Variants in PRKCA observed in about 807,000 individuals in gnomAD.
PRKCA encodes protein kinase C alpha, also known as protein kinase C alpha type.
Under a neutral mutation model 87.0 loss-of-function variants are expected in PRKCA, and 27 were observed. That is an observed-to-expected ratio of 0.31 (90% CI 0.23 to 0.43). PRKCA has a LOEUF of 0.43. Ranked by LOEUF, PRKCA falls within the 20% of genes least tolerant of loss-of-function variation. PRKCA has a pLI of 1.00. For synonymous variants in PRKCA, 329 were observed against 311.1 expected (o/e 1.06, Z -0.61); for missense variants, 518 against 852.3 (o/e 0.61, Z 4.88).
chr17:66,769,448 G>C (rs1018703528), intron 13 of PRKCA, among the ~76,000 whole-genome samples: 3 of 151,924 alleles, frequency 2.0e-5, no homozygotes, highest in African/African-American at 7.2e-5. Flanking sequence ...TGAACTGTTA[G>C]AGAAGTACTT....
intron 3 of PRKCA, among the ~76,000 whole-genome samples, chr17:66,613,043 G>T (rs1354798603): frequency 6.6e-6 from 1 of 152,172 alleles, no homozygotes; most frequent in Admixed American, 6.5e-5. Flanking sequence ...TTGCAATTGT[G>T]TACAGGGATT....
intron 3 of PRKCA, 72 bp downstream of exon 3, chr17:66,496,355 A>G: frequency 1.5e-6 from 2 of 1,332,790 alleles, no homozygotes; most frequent in Non-Finnish European, 2.1e-6. Context: ...ACGCCTGTGC[A>G]ACTGTTAGTT....
At chr17:66,608,252 AATCATCAC>A (rs1970265338) in intron 3 of PRKCA, among the ~76,000 whole-genome samples, 1 of 152,122 alleles carries the variant, frequency 6.6e-6, no homozygotes, top group South Asian at 2.1e-4. Flanking sequence ...CCACTTACCT[AATCATCAC>A]TTTGTTGGTG....
intron 3 of PRKCA, among the ~76,000 whole-genome samples, chr17:66,540,799 G>T (rs1192053964): frequency 6.6e-6 from 1 of 152,176 alleles, no homozygotes; most frequent in Admixed American, 6.5e-5. Context: ...TACAACAGAG[G>T]CAGTCGAGGG....
At chr17:66,641,525 G>A in intron 4 of PRKCA, 59 bp downstream of exon 4, 2 of 1,284,064 alleles carry the variant, frequency 1.6e-6, no homozygotes, top group Non-Finnish European at 2.2e-6. Context: ...CTCAGGGTTT[G>A]CTGAGCAAGG....
intron 1 of PRKCA, among the ~76,000 whole-genome samples, chr17:66,303,463 G>C (rs1478548665): frequency 2.0e-5 from 3 of 150,766 alleles, no homozygotes; most frequent in Non-Finnish European, 1.5e-5. Context: ...CACTGCGCGC[G>C]GTCCAAGTTG....
chr17:66,486,759 A>G (rs1481448561), intron 2 of PRKCA, among the ~76,000 whole-genome samples: 2 of 152,078 alleles, frequency 1.3e-5, no homozygotes, highest in Non-Finnish European at 2.9e-5. Context: ...GTGGCCTAAC[A>G]GTATATTATA....
intron 2 of PRKCA, among the ~76,000 whole-genome samples, chr17:66,489,730 T>C (rs1452132125): frequency 2.0e-5 from 3 of 151,976 alleles, no homozygotes; most frequent in Non-Finnish European, 4.4e-5. Context: ...CTTTCTTTTC[T>C]TTCTTTCTTT....
At chr17:66,305,077 C>T (rs543062052) in intron 1 of PRKCA, among the ~76,000 whole-genome samples, 32 of 152,232 alleles carry the variant, frequency 2.1e-4, no homozygotes, top group African/African-American at 6.7e-4. Context: ...TGGAAAATGC[C>T]CCCCTGAGGA....
At chr17:66,683,791 G>A (rs1054582432) in intron 5 of PRKCA, among the ~76,000 whole-genome samples, 2 of 152,036 alleles carry the variant, frequency 1.3e-5, no homozygotes, top group Non-Finnish European at 2.9e-5. Context: ...GTAGAAATGG[G>A]GTTTCACCAT....
At chr17:66,336,677 T>TAAAC (rs1316578139) in intron 2 of PRKCA, among the ~76,000 whole-genome samples, 6 of 151,944 alleles carry the variant, frequency 3.9e-5, no homozygotes, top group South Asian at 2.1e-4. Flanking sequence ...AGTAAATTAT[T>TAAAC]AAACATTTGC....
intron 13 of PRKCA, among the ~76,000 whole-genome samples, chr17:66,765,400 G>T (rs944775266): frequency 9.4e-6 from 1 of 106,706 alleles, no homozygotes; most frequent in African/African-American, 3.7e-5. Context: ...CGGCCTGGTC[G>T]ACAGAGCAAG....
At chr17:66,508,870 G>A (rs1567865505) in intron 3 of PRKCA, among the ~76,000 whole-genome samples, 1 of 152,136 alleles carries the variant, frequency 6.6e-6, no homozygotes, top group Non-Finnish European at 1.5e-5. Flanking sequence ...TTTTTAATGT[G>A]ATTATGCACT....
chr17:66,484,322 G>A (rs950682132), intron 2 of PRKCA, among the ~76,000 whole-genome samples: 5 of 152,138 alleles, frequency 3.3e-5, no homozygotes, highest in Non-Finnish European at 5.9e-5. Context: ...TAAGAGTGTA[G>A]CTAATACCTG....
rs1294879657 is a variant in PRKCA at position 66,507,797 on chromosome 17, G to GT, written c.288+11520dup. 2.6e-5 allele frequency among the ~76,000 whole-genome samples: 4 copies of GT among 152,282 alleles called. No homozygotes were observed. The East Asian group carries it at 7.7e-4, about 29-fold the overall frequency. On this transcript the variant is annotated intron_variant, in intron 3 of 16. Transcript: ENST00000413366. ...TTATTCCTGGATTCTGATGAGTCAT[G>GT]TTTTTTAGAAGCTGAACTTCTAAAC...
chr17:66,614,030 A>T (rs992509033), intron 3 of PRKCA, among the ~76,000 whole-genome samples: 9 of 152,032 alleles, frequency 5.9e-5, no homozygotes, highest in Admixed American at 5.2e-4. Context: ...GCTTCAAGTG[A>T]TCTGTGTGCC....
At chr17:66,503,652 A>T (rs1398600438) in intron 3 of PRKCA, among the ~76,000 whole-genome samples, 1 of 152,144 alleles carries the variant, frequency 6.6e-6, no homozygotes, top group Non-Finnish European at 1.5e-5. Flanking sequence ...AGAAAGCAAA[A>T]TTGCTTTCTT....
intron 2 of PRKCA, among the ~76,000 whole-genome samples, chr17:66,366,683 G>A (rs779624216): frequency 2.0e-5 from 3 of 152,204 alleles, no homozygotes; most frequent in Admixed American, 1.3e-4. Context: ...GGTAGAGCGA[G>A]CTATAGGTGA....
chr17:66,804,992 G>C lies in PRKCA; in HGVS notation c.*955G>C, dbSNP rs1354824761. 1.0e-6 allele frequency: 1 copy of C among 984,938 alleles called. No homozygotes were observed. The highest frequency in any genetic ancestry group is 1.7e-5 in the African/African-American group (1 of 57,188). 61.0% of individuals were successfully genotyped at this position (984,938 alleles called of 1,614,324 possible). A position where few individuals can be genotyped will look rare whatever the true frequency, so the allele number is the denominator to read the frequency against. Reference sequence around the variant, plus strand: ...TGAAGTGTACGCCCTCTCCCCTTTTGTGCTTATTTATTTAATAGGCTGCAG... The same window carrying C: ...TGAAGTGTACGCCCTCTCCCCTTTTCTGCTTATTTATTTAATAGGCTGCAG... On this transcript the variant is annotated 3_prime_UTR_variant, in exon 17 of 17. Coordinates refer to ENST00000413366, the MANE Select transcript of PRKCA (RefSeq NM_002737.3).
Sources: allele counts gnomAD v4.1 joint callset (sites outside exome capture counted in the v4.1 genomes callset), GRCh38; gene constraint gnomAD v4.1.1; transcripts MANE v1.5; gene names NCBI Gene and HGNC (gene_info 2026-07-23, HGNC 2026-07-21).